BANP: variants seen among roughly 807,000 people sequenced by gnomAD.
BANP encodes the protein BTG3 associated nuclear protein.
Under a neutral mutation model 68.1 loss-of-function variants are expected in BANP, and 11 were observed. The ratio of observed to expected loss-of-function variants is 0.16; its 90% confidence interval spans 0.10 to 0.27. The LOEUF (loss-of-function observed/expected upper bound fraction) is 0.27, where lower values mean the gene tolerates loss of function less well. Ranked by LOEUF, BANP falls within the 10% of genes least tolerant of loss-of-function variation. The probability of loss-of-function intolerance (pLI) is 1.00; values close to 1 mark genes in which losing one functional copy is unlikely to be tolerated. For synonymous variants in BANP, 329 were observed against 303.2 expected, an observed-to-expected ratio of 1.09 and a Z score of -0.88; for missense variants, 504 against 722.7, an observed-to-expected ratio of 0.70 and a Z score of 3.47.
At chr16:88,031,270 G>A (rs1429824576) in intron 8 of BANP, among the ~76,000 whole-genome samples, 1 of 152,262 alleles carries the variant, frequency 6.6e-6, no homozygotes, top group Admixed American at 6.5e-5. Flanking sequence ...TGGGCTTGTT[G>A]AATCTCCTTT....
intron 13 of BANP, among the ~76,000 whole-genome samples, chr16:88,073,017 T>G (rs1402093934): frequency 6.6e-6 from 1 of 152,220 alleles, no homozygotes; most frequent in East Asian, 1.9e-4. Flanking sequence ...ACCTGTGTCT[T>G]GATGCCATCC....
intron 12 of BANP, 22 bp downstream of exon 12, chr16:88,065,354 T>C (rs2088220936): frequency 1.3e-6 from 1 of 764,092 alleles, no homozygotes. Flanking sequence ...GTACATCCCA[T>C]CTCTCCCACC....
chr16:87,982,911 G>A (rs2146129402), intron 3 of BANP, among the ~76,000 whole-genome samples: 1 of 152,360 alleles, frequency 6.6e-6, no homozygotes. Context: ...AAGCAGTGTT[G>A]TAGGTCAGCT....
intron 11 of BANP, among the ~76,000 whole-genome samples, chr16:88,058,137 G>T (rs904791471): frequency 6.6e-6 from 1 of 152,190 alleles, no homozygotes; most frequent in Non-Finnish European, 1.5e-5. Flanking sequence ...GTAGATGCAG[G>T]ACTGTGCCCG....
At chr16:88,052,332 T>C (rs1567879475) in intron 11 of BANP, among the ~76,000 whole-genome samples, 1 of 152,154 alleles carries the variant, frequency 6.6e-6, no homozygotes, top group Non-Finnish European at 1.5e-5. Context: ...TCTCTGAAGT[T>C]AGAGACTTGC....
At chr16:88,001,137 C>T (rs370602086) in intron 4 of BANP, among the ~76,000 whole-genome samples, 831 of 63,154 alleles carry the variant, frequency 0.013, 1 homozygote, top group East Asian at 0.092. Context: ...CACGCACGTG[C>T]GCGGCTGTAC....
intron 4 of BANP, among the ~76,000 whole-genome samples, chr16:87,988,358 G>C (rs370577120): frequency 6.6e-6 from 1 of 152,088 alleles, no homozygotes; most frequent in East Asian, 1.9e-4. Context: ...CTGCCTCCCA[G>C]GTTCTAGTGA....
chr16:88,076,486 CGT>C, intron 13 of BANP, 102 bp from the exon 14 acceptor site: 1 of 977,104 alleles, frequency 1.0e-6, no homozygotes, highest in Non-Finnish European at 1.5e-6. Context: ...CTCCTGTGTG[CGT>C]GTTTCTCATT....
intron 11 of BANP, among the ~76,000 whole-genome samples, chr16:88,059,775 C>A (rs769548048): frequency 6.6e-6 from 1 of 152,238 alleles, no homozygotes; most frequent in African/African-American, 2.4e-5. Flanking sequence ...CTGTCGGACG[C>A]GACACATGCC....
intron 6 of BANP, among the ~76,000 whole-genome samples, chr16:88,017,812 C>T (rs757360111): frequency 4.6e-5 from 7 of 152,256 alleles, no homozygotes; most frequent in African/African-American, 1.4e-4. Context: ...CAGTGCAGAA[C>T]GTGGCGCATT....
At chr16:88,032,793 G>T (rs2152740885) in intron 8 of BANP, among the ~76,000 whole-genome samples, 1 of 152,306 alleles carries the variant, frequency 6.6e-6, no homozygotes, top group South Asian at 2.1e-4. Context: ...AATATTGCCA[G>T]CCTGAAACAG....
At chr16:88,043,148 G>A (rs1315597293) in intron 11 of BANP, among the ~76,000 whole-genome samples, 2 of 152,088 alleles carry the variant, frequency 1.3e-5, no homozygotes, top group Non-Finnish European at 2.9e-5. Context: ...CTTGCCCTCC[G>A]CCGCATCCTC....
At chr16:88,027,764 G>A (rs1260508015) in intron 8 of BANP, 114 bp downstream of exon 8, 13 of 1,275,326 alleles carry the variant, frequency 1.0e-5, no homozygotes, top group East Asian at 2.5e-5. Flanking sequence ...GCCGGGAGCC[G>A]AGGCCAGAGG....
Position 88,004,321 on chromosome 16 carries a change from T to G in BANP, c.389T>G (p.Leu130Arg), listed in dbSNP as rs1226281576. The change falls in exon 5 of 14, where the codon CTC becomes CGC. Residue 130 changes from leucine to arginine, a missense_variant. Transcript: ENST00000682872. The surrounding 1 kb of genome is among the most constrained non-coding windows in gnomAD (Gnocchi z 7.0). ...GTCGTCCCCCAGACTACAGTAATAC[T>G]CAACAATGATCGGCAGAACGCCATT... Reference protein sequence around the residue: ...RCVVPQTTVILNNDRQNAIVA... With the variant: ...RCVVPQTTVIRNNDRQNAIVA... 1 of 1,548,792 alleles carries G rather than the reference T, an allele frequency of 6.5e-7. No homozygotes were observed. Among genetic ancestry groups the G allele is most frequent in the Non-Finnish European group, 8.7e-7 (1 of 1,144,976 alleles).
At chr16:88,024,831 AT>A (rs1368803778) in intron 7 of BANP, among the ~76,000 whole-genome samples, 1 of 152,208 alleles carries the variant, frequency 6.6e-6, no homozygotes, top group Non-Finnish European at 1.5e-5. Flanking sequence ...ATGAATATAT[AT>A]TTTTTATTTA....
intron 11 of BANP, among the ~76,000 whole-genome samples, chr16:88,045,150 C>T (rs993505327): frequency 1.3e-5 from 2 of 152,158 alleles, no homozygotes; most frequent in South Asian, 2.1e-4. Context: ...AAATGTTTAG[C>T]ATTCTTCTCA....
At chr16:88,012,236 G>C (rs1467547881) in intron 6 of BANP, among the ~76,000 whole-genome samples, 1 of 152,228 alleles carries the variant, frequency 6.6e-6, no homozygotes, top group African/African-American at 2.4e-5. Flanking sequence ...CTTTAGGTTT[G>C]AATTCTGTGT....
intron 10 of BANP, chr16:88,037,759 GTTGT>G (rs1005802371): frequency 7.9e-5 from 47 of 596,744 alleles, no homozygotes; most frequent in African/African-American, 6.3e-4. Context: ...TGCTTTTTGA[GTTGT>G]TTGTTCATCT....
rs1852499308 is a variant in BANP at position 88,057,027 on chromosome 16, C to G, written c.1312-8240C>G. On this transcript the variant is annotated intron_variant, in intron 11 of 13. Transcript: ENST00000682872. This position sits in a 1 kb window ranked among gnomAD's most constrained non-coding sequence, Gnocchi z 4.6. ...TCAAAAAGCAGAAAAAGTGTGATTT[C>G]TGAATAACTTTACAAATCCTTTTGG... Among the ~76,000 whole-genome samples, 1 of 152,210 alleles carries G rather than the reference C, an allele frequency of 6.6e-6. No homozygotes were observed. The highest frequency in any genetic ancestry group is 6.5e-5 in the Admixed American group (1 of 15,290).
Sources: allele counts gnomAD v4.1 joint callset (sites outside exome capture counted in the v4.1 genomes callset), GRCh38; gene constraint gnomAD v4.1.1; non-coding constraint Gnocchi (gnomAD v3.1); transcripts MANE v1.5; gene names NCBI Gene and HGNC (gene_info 2026-07-23, HGNC 2026-07-21).